The following KCNQ5 variants were observed in gnomAD, a reference collection of about 807,000 sequenced individuals.
KCNQ5 encodes potassium voltage-gated channel subfamily Q member 5.
A neutral mutation model predicts 98.2 loss-of-function variants in KCNQ5; 30 were observed. The observed-to-expected ratio is 0.31, with a 90% CI of 0.23 to 0.41. The LOEUF is 0.41. KCNQ5 is among the 10% of genes least tolerant of loss of function. KCNQ5 has a pLI of 1.00. For missense variants in KCNQ5, 835 were observed against 1,182.5 expected (o/e 0.71, Z 4.31); for synonymous variants, 458 against 449.4 (o/e 1.02, Z -0.24).
chr6:72,791,328 C>T (rs186668116), intron 1 of KCNQ5, among the ~76,000 whole-genome samples: 1 of 152,276 alleles, frequency 6.6e-6, no homozygotes, highest in Admixed American at 6.5e-5. Flanking sequence ...AAAATGTGAA[C>T]ATCAGCTAGA....
chr6:72,783,143 A>T (rs1380084853), intron 1 of KCNQ5, among the ~76,000 whole-genome samples: 2 of 152,194 alleles, frequency 1.3e-5, no homozygotes, highest in African/African-American at 4.8e-5. Flanking sequence ...GTGGGAGAGG[A>T]TGAATGGGCA....
rs117969082 is a variant in KCNQ5, at chr6:72,687,369, A to G, written c.398+64782A>G. On this transcript the variant is annotated intron_variant, in intron 1 of 13. Coordinates refer to ENST00000370398, the MANE Select transcript of KCNQ5 (RefSeq NM_019842.4). ...CAGAGAGATCATGACCTATACTTCT[A>G]TTTAATCTGTTCAGCAAATATTGAG... Among the ~76,000 whole-genome samples, 89 of 152,314 alleles carry G rather than the reference A, an allele frequency of 5.8e-4. 1 individual carries two copies. The East Asian group carries it at 0.013, about 22-fold the overall frequency.
chr6:73,045,848 G>T lies in KCNQ5; in HGVS notation c.616+3786G>T, dbSNP rs1236834197. On this transcript the variant is annotated intron_variant, in intron 3 of 13. Coordinates refer to ENST00000370398, the MANE Select transcript of KCNQ5 (RefSeq NM_019842.4). ...TAACAGGGCCATATTTTTCAGTCTT[G>T]CAGGGAGTCTCAGTGAGAAAATACC... Among the ~76,000 whole-genome samples the T allele has an allele frequency of 3.3e-5, 5 of 152,172 alleles. No homozygotes were observed. The East Asian group carries it at 7.7e-4, about 23-fold the overall frequency.
chr6:72,644,568 C>A (rs1765492137), intron 1 of KCNQ5, among the ~76,000 whole-genome samples: 1 of 152,042 alleles, frequency 6.6e-6, no homozygotes, highest in Admixed American at 6.6e-5. Flanking sequence ...ATGAAATCCA[C>A]AAATAATGAG....
At chr6:72,636,332 G>A (rs1225027146) in intron 1 of KCNQ5, among the ~76,000 whole-genome samples, 1 of 152,138 alleles carries the variant, frequency 6.6e-6, no homozygotes, top group African/African-American at 2.4e-5. Context: ...GCATCACAGA[G>A]CTGTACTTTT....
intron 1 of KCNQ5, chr6:72,987,206 G>T: frequency 1.5e-6 from 1 of 688,622 alleles, no homozygotes; most frequent in Non-Finnish European, 2.8e-6. Context: ...AGCCGGCTCT[G>T]AAAAGGAAGA....
At chr6:73,079,704 T>C (rs1298176186) in intron 5 of KCNQ5, among the ~76,000 whole-genome samples, 1 of 152,236 alleles carries the variant, frequency 6.6e-6, no homozygotes, top group Non-Finnish European at 1.5e-5. Context: ...TCTTCACTAT[T>C]CACAAGCAAT....
intron 1 of KCNQ5, 72 bp from the exon 2 acceptor site, chr6:73,003,836 T>C: frequency 9.6e-7 from 1 of 1,039,458 alleles, no homozygotes; most frequent in Non-Finnish European, 1.5e-6. Context: ...CTTTATTCAT[T>C]TGAAGCAAGA....
chr6:72,995,283 G>A (rs1299949753), intron 1 of KCNQ5, among the ~76,000 whole-genome samples: 6 of 150,854 alleles, frequency 4.0e-5, no homozygotes, highest in Admixed American at 1.3e-4. Flanking sequence ...CAGGAGAATC[G>A]CTTGAACCCA....
chr6:72,795,158 T>TA (rs914697642), intron 1 of KCNQ5, among the ~76,000 whole-genome samples: 5 of 152,030 alleles, frequency 3.3e-5, no homozygotes, highest in African/African-American at 1.2e-4. Flanking sequence ...TTCCAAAAAT[T>TA]AAAAAAAGGG....
At chr6:73,125,415 C>T (rs1406914619) in intron 9 of KCNQ5, 1 of 518,152 alleles carries the variant, frequency 1.9e-6, no homozygotes, top group African/African-American at 1.9e-5. Context: ...GAGGCAGAAC[C>T]AGCAAGGAGA....
At chr6:73,068,841 G>T (rs1773183587) in intron 3 of KCNQ5, among the ~76,000 whole-genome samples, 1 of 152,186 alleles carries the variant, frequency 6.6e-6, no homozygotes, top group South Asian at 2.1e-4. Flanking sequence ...CTGCAAACTT[G>T]TTAACATCTA....
At chr6:73,005,761 A>G (rs1769784588) in intron 2 of KCNQ5, among the ~76,000 whole-genome samples, 1 of 152,240 alleles carries the variant, frequency 6.6e-6, no homozygotes, top group Non-Finnish European at 1.5e-5. Context: ...TATGCAGATG[A>G]GGCCTTTGTT....
intron 5 of KCNQ5, among the ~76,000 whole-genome samples, chr6:73,087,248 T>C (rs1477321116): frequency 1.3e-5 from 2 of 151,648 alleles, no homozygotes; most frequent in Non-Finnish European, 2.9e-5. Flanking sequence ...GAAAAGGGGG[T>C]GAATTTGCAA....
chr6:72,811,903 G>C (rs909773959), intron 1 of KCNQ5, among the ~76,000 whole-genome samples: 2 of 152,162 alleles, frequency 1.3e-5, no homozygotes, highest in African/African-American at 2.4e-5. Context: ...GCTATTTATA[G>C]GGTTATTTCT....
intron 1 of KCNQ5, among the ~76,000 whole-genome samples, chr6:72,732,128 A>G (rs1770586076): frequency 6.6e-6 from 1 of 152,200 alleles, no homozygotes; most frequent in Non-Finnish European, 1.5e-5. Flanking sequence ...CAGTTGGTAC[A>G]GGGGTCACAA....
intron 2 of KCNQ5, among the ~76,000 whole-genome samples, chr6:73,040,674 T>A (rs549117256): frequency 6.6e-6 from 1 of 152,218 alleles, no homozygotes. Flanking sequence ...TGATATTGGG[T>A]ATTTATTTCC....
At chr6:72,973,600 A>G (rs1261292880) in intron 1 of KCNQ5, among the ~76,000 whole-genome samples, 1 of 152,222 alleles carries the variant, frequency 6.6e-6, no homozygotes, top group Admixed American at 6.5e-5. Flanking sequence ...TCTGATACCT[A>G]TTATGAGTAA....
intron 1 of KCNQ5, among the ~76,000 whole-genome samples, chr6:72,829,988 T>C (rs924650968): frequency 2.0e-5 from 3 of 152,100 alleles, no homozygotes; most frequent in South Asian, 2.1e-4. Flanking sequence ...TCACAATTGC[T>C]TCAAAGAGAA....
Sources: gnomAD v4.1 joint callset for allele counts (sites outside exome capture counted in the v4.1 genomes callset) on GRCh38, gnomAD v4.1.1 for gene constraint, MANE v1.5 for transcripts, NCBI Gene and HGNC (gene_info 2026-07-23, HGNC 2026-07-21) for gene names.